RAD18: variants seen among roughly 807,000 people sequenced by gnomAD.
The protein encoded by RAD18 is RAD18 E3 ubiquitin protein ligase, also known as E3 ubiquitin-protein ligase RAD18.
Under a neutral mutation model 60.4 loss-of-function variants are expected in RAD18, and 47 were observed. That is an observed-to-expected ratio of 0.78 (90% confidence interval 0.62 to 0.99). RAD18 has a LOEUF of 0.99. RAD18 is among the 50% of genes least tolerant of loss of function. The probability of loss-of-function intolerance (pLI) is 0.00; values close to 1 mark genes in which losing one functional copy is unlikely to be tolerated. For synonymous variants in RAD18, 225 were observed against 195.5 expected (o/e 1.15, Z -1.26); for missense variants, 640 against 593.3 (o/e 1.08, Z -0.82).
intron 9 of RAD18, among the ~76,000 whole-genome samples, chr3:8,906,166 AG>A (rs1345957591): frequency 6.6e-6 from 1 of 152,212 alleles, no homozygotes; most frequent in African/African-American, 2.4e-5. Context: ...AAAATGGAAA[AG>A]GTAAATACCA....
chr3:8,954,944 GA>G (rs1940983874), intron 2 of RAD18, among the ~76,000 whole-genome samples: 1 of 151,530 alleles, frequency 6.6e-6, no homozygotes. Flanking sequence ...CTTCACAAGT[GA>G]AAAAAAAGTG....
intron 8 of RAD18, 39 bp from the exon 9 acceptor site, chr3:8,912,411 C>A (rs1940120078): frequency 7.3e-7 from 1 of 1,366,052 alleles, no homozygotes; most frequent in South Asian, 1.3e-5. Context: ...AAAATCTCCC[C>A]AAAATGACAA....
chr3:8,881,179 A>G lies in RAD18; in HGVS notation c.*178T>C. ...AGAGGCAGGAGGCAACTGACCAAGT[A>G]AGGATATTTTGTAACATTTTTCCCC... is the stretch of plus-strand genomic sequence containing the variant. On this transcript the variant is annotated 3_prime_UTR_variant, in exon 13 of 13. Coordinates refer to ENST00000264926, the MANE Select transcript of RAD18 (RefSeq NM_020165.4). 1 of 576,320 alleles carries G rather than the reference A, an allele frequency of 1.7e-6. No homozygotes were observed. Among genetic ancestry groups the G allele is most frequent in the Non-Finnish European group, 3.0e-6 (1 of 332,838 alleles). The allele number at this position is 576,320 out of a possible 1,614,324, so 35.7% of individuals were successfully genotyped here.
At chr3:8,897,638 A>G (rs2125049531) in intron 11 of RAD18, among the ~76,000 whole-genome samples, 1 of 152,326 alleles carries the variant, frequency 6.6e-6, no homozygotes, top group South Asian at 2.1e-4. Flanking sequence ...ATCAGTTACC[A>G]GAATCAAATG....
chr3:8,948,509 C>G lies in RAD18; in HGVS notation c.195G>C (p.Val65=), dbSNP rs1476686073. Residue 65 remains valine, a splice_region_variant and synonymous_variant, in exon 3 of 13, where the codon GTG becomes GTC. Transcript: ENST00000264926. ...SYKTQCPTCC[V]TVTEPDLKNN... is the part of the protein sequence containing the mutation. ...TTAAAAAAAGGAAACAAAAACTCAC[C>G]ACACAGCAAGTTGGACACTGAGTTT... 22 of 1,610,984 alleles carry G rather than the reference C, an allele frequency of 1.4e-5. No individual in the cohort carries two copies. Among genetic ancestry groups the G allele is most frequent in the Non-Finnish European group, 1.7e-5 (20 of 1,177,990 alleles).
At chr3:8,944,672 G>A (rs1191532544) in intron 4 of RAD18, among the ~76,000 whole-genome samples, 1 of 140,544 alleles carries the variant, frequency 7.1e-6, no homozygotes, top group Admixed American at 7.0e-5. Context: ...GGGAGGGAGG[G>A]AGGAAGGAAG....
intron 2 of RAD18, among the ~76,000 whole-genome samples, chr3:8,953,434 C>G (rs991543975): frequency 2.6e-5 from 4 of 152,034 alleles, no homozygotes; most frequent in Admixed American, 2.6e-4. Context: ...AGATCAAGCC[C>G]TAGGCTTAAT....
chr3:8,905,827 C>T (rs1939992632), intron 9 of RAD18, among the ~76,000 whole-genome samples: 2 of 152,362 alleles, frequency 1.3e-5, no homozygotes, highest in Admixed American at 6.5e-5. Flanking sequence ...ATATTCGACA[C>T]TCCCCATGTG....
intron 11 of RAD18, among the ~76,000 whole-genome samples, chr3:8,896,828 T>C (rs1011918726): frequency 1.3e-5 from 2 of 152,058 alleles, no homozygotes; most frequent in South Asian, 2.1e-4. Flanking sequence ...TTGCTATGTG[T>C]GCTGAAGAAA....
intron 9 of RAD18, among the ~76,000 whole-genome samples, chr3:8,905,272 A>T (rs1360190197): frequency 6.6e-6 from 1 of 152,192 alleles, no homozygotes; most frequent in Non-Finnish European, 1.5e-5. Flanking sequence ...CCTGAATCAT[A>T]CCATCCTTTG....
At chr3:8,947,100 C>G in intron 4 of RAD18, 120 bp downstream of exon 4, 1 of 743,094 alleles carries the variant, frequency 1.3e-6, no homozygotes, top group East Asian at 2.6e-5. Context: ...CTGTTACTTC[C>G]CTTCTTTGAC....
At chr3:8,925,548 C>T (rs1179847729) in intron 7 of RAD18, among the ~76,000 whole-genome samples, 2 of 152,206 alleles carry the variant, frequency 1.3e-5, no homozygotes, top group African/African-American at 4.8e-5. Context: ...AGAATCCTCC[C>T]TAACTCATTT....
chr3:8,942,435 T>A (rs1414145627), intron 4 of RAD18, among the ~76,000 whole-genome samples: 1 of 152,172 alleles, frequency 6.6e-6, no homozygotes, highest in Non-Finnish European at 1.5e-5. Context: ...ATGAGCCAAT[T>A]AAACCTCTTT....
chr3:8,924,225 A>G, intron 7 of RAD18, among the ~76,000 whole-genome samples: 1 of 151,484 alleles, frequency 6.6e-6, no homozygotes, highest in Non-Finnish European at 1.5e-5. Context: ...AGATCTACCA[A>G]GCAAATGGAA....
Position 8,877,179 on chromosome 3 carries a change from A to G in RAD18, c.*4178T>C, listed in dbSNP as rs533944679. On this transcript the variant is annotated 3_prime_UTR_variant, in exon 13 of 13. Coordinates refer to ENST00000264926, the MANE Select transcript of RAD18 (RefSeq NM_020165.4). ...TCCATTTGTGCTGCCAGAAGAAAATACCACAGTCTGGGTAACTTATAGACA... is the reference window on the plus strand; with the variant it reads ...TCCATTTGTGCTGCCAGAAGAAAATGCCACAGTCTGGGTAACTTATAGACA... The G allele has an allele frequency of 6.6e-6, 1 of 152,428 alleles. No individual in the cohort carries two copies. The highest frequency in any genetic ancestry group is 1.9e-4 in the East Asian group (1 of 5,186). 9.4% of individuals were successfully genotyped at this position (152,428 alleles called of 1,614,324 possible).
chr3:8,936,754 T>A (rs1940660448), intron 6 of RAD18, among the ~76,000 whole-genome samples: 1 of 152,208 alleles, frequency 6.6e-6, no homozygotes, highest in South Asian at 2.1e-4. Context: ...TCCCAAACGT[T>A]AGTGTACCTA....
chr3:8,942,340 G>GTTTT (rs1483692158), intron 4 of RAD18, among the ~76,000 whole-genome samples: 5 of 152,152 alleles, frequency 3.3e-5, no homozygotes, highest in South Asian at 2.1e-4. Flanking sequence ...ATGACATGCT[G>GTTTT]CCCGTCTTTT....
chr3:8,896,826 T>C (rs1559760201), intron 11 of RAD18, among the ~76,000 whole-genome samples: 3 of 152,168 alleles, frequency 2.0e-5, no homozygotes, highest in Admixed American at 2.0e-4. Flanking sequence ...ATTTGCTATG[T>C]GTGCTGAAGA....
At chr3:8,961,039 T>C (rs1005816842) in intron 1 of RAD18, among the ~76,000 whole-genome samples, 7 of 152,196 alleles carry the variant, frequency 4.6e-5, no homozygotes, top group African/African-American at 1.7e-4. Context: ...TCAAGATCAA[T>C]TAAGAGCAGA....
Sources: allele counts gnomAD v4.1 joint callset (sites outside exome capture counted in the v4.1 genomes callset), GRCh38; gene constraint gnomAD v4.1.1; transcripts MANE v1.5; gene names NCBI Gene and HGNC (gene_info 2026-07-23, HGNC 2026-07-21).